The following OTOF variants were observed in gnomAD, a reference collection of about 807,000 sequenced individuals.
OTOF encodes the protein fer-1-like family member 2.
Under a neutral mutation model 236.8 loss-of-function variants are expected in OTOF, and 218 were observed. The ratio of observed to expected loss-of-function variants is 0.92; its 90% confidence interval spans 0.82 to 1.03. The LOEUF (loss-of-function observed/expected upper bound fraction) is 1.03, where lower values mean the gene tolerates loss of function less well. Among genes scored for constraint, OTOF ranks in the 50% least tolerant of loss-of-function variants. The probability of loss-of-function intolerance (pLI) is 0.00; values close to 1 mark genes in which losing one functional copy is unlikely to be tolerated. For missense variants in OTOF, 2,590 were observed against 2,694.4 expected, an observed-to-expected ratio of 0.96 and a Z score of 0.86; for synonymous variants, 1,041 against 1,072.5, an observed-to-expected ratio of 0.97 and a Z score of 0.57.
chr2:26,480,357 G>A, intron 15 of OTOF, 46 bp from the exon 16 acceptor site: 1 of 1,166,720 alleles, frequency 8.6e-7, no homozygotes, highest in Non-Finnish European at 1.3e-6. Flanking sequence ...AGTAAGGGTG[G>A]CAGGTCGGGG....
At chr2:26,538,398 C>T (rs573901461) in intron 1 of OTOF, among the ~76,000 whole-genome samples, 1 of 152,386 alleles carries the variant, frequency 6.6e-6, no homozygotes, top group Admixed American at 6.5e-5. Context: ...GCAGTTCCCT[C>T]CCGGGCTCTA....
In OTOF at chr2:26,544,353, C is replaced by T. The variant is rs550613809; in HGVS notation, c.80-6579G>A. On this transcript the variant is annotated intron_variant, in intron 1 of 46. Coordinates refer to ENST00000272371, the MANE Select transcript of OTOF (RefSeq NM_194248.3). ...GTCCCTTTCCAGTCGATTTCTAGTC[C>T]CTTAGTAACCAGTGCTCTGATTTCT... Among the ~76,000 whole-genome samples, 4 of 152,234 alleles carry T rather than the reference C, an allele frequency of 2.6e-5. No homozygotes were observed. The South Asian group carries it at 8.3e-4, about 32-fold the overall frequency.
chr2:26,512,504 G>A (rs955486364), intron 5 of OTOF, among the ~76,000 whole-genome samples: 1 of 152,218 alleles, frequency 6.6e-6, no homozygotes, highest in African/African-American at 2.4e-5. Context: ...GCCATGCAAG[G>A]GTCTGGAACA....
chr2:26,487,352 G>A (rs936996923), intron 11 of OTOF, among the ~76,000 whole-genome samples: 1 of 152,176 alleles, frequency 6.6e-6, no homozygotes, highest in African/African-American at 2.4e-5. Context: ...TCCCTGGGAG[G>A]GCACCAGGCT....
At position 26,465,816 on chromosome 2, in the gene OTOF, G is replaced by A. The variant is rs2148027757; in HGVS notation, c.4655C>T (p.Pro1552Leu). 4 of 1,614,230 alleles carry A rather than the reference G, an allele frequency of 2.5e-6. No homozygotes were observed. Among genetic ancestry groups the A allele is most frequent in the Non-Finnish European group, 3.4e-6 (4 of 1,180,044 alleles). ...GKSFDIEASF[P>L]MESMLTVAVY... ...AGCCACCGTCAGCATGGATTCCATG[G>A]GGAAGGAGGCCTCGATGTCAAAGGA... is the stretch of plus-strand genomic sequence containing the variant. The change falls in exon 38 of 47, where the codon CCC becomes CTC. Residue 1552 changes from proline to leucine, a missense_variant. Transcript: ENST00000272371.
At chr2:26,459,866 G>T in intron 46 of OTOF, 142 bp downstream of exon 46, 1 of 790,462 alleles carries the variant, frequency 1.3e-6, no homozygotes, top group Non-Finnish European at 2.0e-6. Flanking sequence ...CTTGTGCGTG[G>T]CACATGTGTG....
Position 26,460,375 on chromosome 2 carries a change from G to A in OTOF, c.5814-170C>T, listed in dbSNP as rs529584474. On this transcript the variant is annotated intron_variant, in intron 45 of 46. Coordinates refer to ENST00000272371, the MANE Select transcript of OTOF (RefSeq NM_194248.3). The surrounding 1 kb of genome is among the most constrained non-coding windows in gnomAD (Gnocchi z 5.3). ...GCCCCAGAGGCCACCACTGGAGCTG[G>A]CTCTTCTGCAAAAGCTAGGAAGGGA... 3.3e-5 allele frequency among the ~76,000 whole-genome samples: 5 copies of A among 152,330 alleles called. No homozygotes were observed. Among genetic ancestry groups the A allele is most frequent in the South Asian group, 4.1e-4 (2 of 4,828 alleles).
At chr2:26,553,189 T>C (rs553549486) in intron 1 of OTOF, among the ~76,000 whole-genome samples, 2 of 152,290 alleles carry the variant, frequency 1.3e-5, no homozygotes, top group East Asian at 1.9e-4. Context: ...GCAGGCCCAC[T>C]GCTCCCTCCC....
chr2:26,466,862 C>A lies in OTOF; in HGVS notation c.4363-11G>T. 1 of 1,614,146 alleles carries A rather than the reference C, an allele frequency of 6.2e-7. No individual in the cohort carries two copies. Among genetic ancestry groups the A allele is most frequent in the South Asian group, 1.1e-5 (1 of 91,084 alleles). On this transcript the variant is annotated splice_polypyrimidine_tract_variant and intron_variant, in intron 35 of 46. Coordinates refer to ENST00000272371, the MANE Select transcript of OTOF (RefSeq NM_194248.3). ...CACGCAGAGGGAGCCCTGGGCAAGA[C>A]AAATGTGGGTCAGGGTGTAGGTTTG...
chr2:26,458,405 C>G (rs1351853153), intron 46 of OTOF, among the ~76,000 whole-genome samples, 185 bp from the exon 47 acceptor site: 3 of 152,228 alleles, frequency 2.0e-5, no homozygotes, highest in Non-Finnish European at 2.9e-5. Context: ...AAAACTCTAT[C>G]CTCCCTGCAG....
At chr2:26,474,408 G>GCCCCAGA (rs1460447823) in intron 26 of OTOF, 105 bp downstream of exon 26, 2 of 416,772 alleles carry the variant, frequency 4.8e-6, no homozygotes, top group Non-Finnish European at 8.0e-6. Context: ...CCACCCCCAG[G>GCCCCAGA]CCCCAGACCC....
chr2:26,494,149 ACT>A (rs1466290326), intron 9 of OTOF, among the ~76,000 whole-genome samples: 3 of 152,032 alleles, frequency 2.0e-5, no homozygotes, highest in Non-Finnish European at 2.9e-5. Flanking sequence ...TATCAGCAAC[ACT>A]CTCTGAGATT....
At chr2:26,511,161 T>TCCCCTGCA (rs1277066819) in intron 5 of OTOF, among the ~76,000 whole-genome samples, 2 of 144,920 alleles carry the variant, frequency 1.4e-5, no homozygotes, top group Non-Finnish European at 3.2e-5. Context: ...GCCCACCGGC[T>TCCCCTGCA]CCCCTGCTCC....
chr2:26,526,469 G>A lies in OTOF; in HGVS notation c.227+1363C>T, dbSNP rs372661130. The stretch of plus-strand genomic sequence containing the variant: ...TGGACAGACAAATGGATAGGCAGAT[G>A]GATGAATAACAGGAATGATAGATGG... On this transcript the variant is annotated intron_variant, in intron 3 of 46. Coordinates refer to ENST00000272371, the MANE Select transcript of OTOF (RefSeq NM_194248.3). 1.1e-4 allele frequency among the ~76,000 whole-genome samples: 17 copies of A among 152,202 alleles called. No homozygotes were observed. The East Asian group carries it at 3.1e-3, about 28-fold the overall frequency.
chr2:26,468,322 A>G, intron 33 of OTOF, 86 bp downstream of exon 33: 4 of 999,620 alleles, frequency 4.0e-6, no homozygotes, highest in Admixed American at 3.4e-5. Context: ...CAGGAGGGAA[A>G]AGAGAAGCAG....
At chr2:26,527,477 A>G (rs1044968344) in intron 3 of OTOF, among the ~76,000 whole-genome samples, 1 of 151,976 alleles carries the variant, frequency 6.6e-6, no homozygotes, top group African/African-American at 2.4e-5. Context: ...CAGCCCCTCC[A>G]CCTTTCGCCT....
chr2:26,478,573 C>T (rs1360665491), intron 18 of OTOF, among the ~76,000 whole-genome samples: 1 of 152,070 alleles, frequency 6.6e-6, no homozygotes, highest in African/African-American at 2.4e-5. Context: ...AGTCAGTGCC[C>T]ATGGCTCATG....
At chr2:26,535,774 C>T (rs960310536) in intron 2 of OTOF, among the ~76,000 whole-genome samples, 2 of 152,152 alleles carry the variant, frequency 1.3e-5, no homozygotes, top group Non-Finnish European at 2.9e-5. Context: ...ACTAGATGCT[C>T]GGAATGTGGC....
At chr2:26,471,761 C>T (rs1273838973) in intron 30 of OTOF, among the ~76,000 whole-genome samples, 2 of 152,086 alleles carry the variant, frequency 1.3e-5, no homozygotes, top group African/African-American at 2.4e-5. Context: ...TGTATGCACG[C>T]ATGTGCACAT....
Sources: allele counts gnomAD v4.1 joint callset (sites outside exome capture counted in the v4.1 genomes callset), GRCh38; gene constraint gnomAD v4.1.1; non-coding constraint Gnocchi (gnomAD v3.1); transcripts MANE v1.5; gene names NCBI Gene and HGNC (gene_info 2026-07-23, HGNC 2026-07-21).